The following TTC29 variants were observed in gnomAD, a reference collection of about 807,000 sequenced individuals.
TTC29 encodes tetratricopeptide repeat domain 29, also known as tetratricopeptide repeat protein 29.
In TTC29, 49 loss-of-function variants were observed where a neutral mutation model predicts 58.1. The observed-to-expected ratio is 0.84, with a 90% CI of 0.67 to 1.07. The LOEUF is 1.07. Among genes scored for constraint, TTC29 ranks in the 50% least tolerant of loss-of-function variants. TTC29 has a pLI of 0.00. For synonymous variants in TTC29, 209 were observed against 196.8 expected (o/e 1.06, Z -0.52); for missense variants, 582 against 555.6 (o/e 1.05, Z -0.48).
intron 11 of TTC29, among the ~76,000 whole-genome samples, chr4:146,726,338 C>T (rs547890264): frequency 6.2e-4 from 95 of 152,008 alleles, no homozygotes; most frequent in African/African-American, 2.2e-3. Context: ...CTGTAATCCC[C>T]GCTACTCAGA....
chr4:146,934,030 G>C (rs1735557186), intron 4 of TTC29: 1 of 152,286 alleles, frequency 6.6e-6, no homozygotes, highest in African/African-American at 2.4e-5. Context: ...TGGAGAGAAA[G>C]AGAGAAGGTC....
intron 11 of TTC29, among the ~76,000 whole-genome samples, chr4:146,744,548 G>A (rs987690220): frequency 7.9e-5 from 12 of 152,096 alleles, no homozygotes; most frequent in African/African-American, 2.4e-4. Context: ...TTTCCAAGCC[G>A]TCTTCTTCTA....
chr4:146,845,201 G>C (rs1365031492), intron 8 of TTC29, among the ~76,000 whole-genome samples: 1 of 152,128 alleles, frequency 6.6e-6, no homozygotes. Flanking sequence ...AAACAGAGAA[G>C]CACTGAGAGA....
intron 8 of TTC29, among the ~76,000 whole-genome samples, chr4:146,853,845 AAGTGACTTGCATTCTGTC>A (rs953456233): frequency 6.6e-6 from 1 of 152,130 alleles, no homozygotes; most frequent in Non-Finnish European, 1.5e-5. Flanking sequence ...CCTACAAGCT[AAGTGACTTGCATTCTGTC>A]AGTGACTTGC....
chr4:146,819,578 T>C (rs1199820660), intron 10 of TTC29, among the ~76,000 whole-genome samples: 5 of 152,156 alleles, frequency 3.3e-5, no homozygotes, highest in Non-Finnish European at 7.4e-5. Context: ...GCTTCTTGAA[T>C]TGGATAATTT....
At chr4:146,793,302 T>C (rs1312915131) in intron 11 of TTC29, among the ~76,000 whole-genome samples, 1 of 152,142 alleles carries the variant, frequency 6.6e-6, no homozygotes, top group East Asian at 1.9e-4. Flanking sequence ...TATTGTCCTA[T>C]TTTAAGAAAT....
intron 12 of TTC29, 43 bp from the exon 13 acceptor site, chr4:146,707,231 A>G: frequency 7.8e-7 from 1 of 1,274,432 alleles, no homozygotes; most frequent in South Asian, 1.5e-5. Flanking sequence ...ATACTGGGCT[A>G]GAAAGCAAAG....
At chr4:146,844,459 TC>T (rs1729039125) in intron 8 of TTC29, among the ~76,000 whole-genome samples, 1 of 152,214 alleles carries the variant, frequency 6.6e-6, no homozygotes, top group Non-Finnish European at 1.5e-5. Context: ...GGAATATTTA[TC>T]CTGTACAGTC....
At chr4:146,901,276 T>C (rs1027246872) in intron 6 of TTC29, among the ~76,000 whole-genome samples, 1 of 152,148 alleles carries the variant, frequency 6.6e-6, no homozygotes, top group African/African-American at 2.4e-5. Flanking sequence ...GTAAGCCATA[T>C]CTCCCCAGTG....
chr4:146,708,955 T>G (rs1331175860), intron 11 of TTC29, among the ~76,000 whole-genome samples: 2 of 152,064 alleles, frequency 1.3e-5, no homozygotes, highest in South Asian at 4.1e-4. Context: ...CTCTCCTCCT[T>G]GTTCTTTCAG....
intron 8 of TTC29, among the ~76,000 whole-genome samples, chr4:146,863,008 G>C (rs1730340251): frequency 6.6e-6 from 1 of 151,800 alleles, no homozygotes; most frequent in South Asian, 2.1e-4. Flanking sequence ...TGTAGTCCCA[G>C]CTACTCAGGA....
At chr4:146,915,749 T>A in intron 4 of TTC29, among the ~76,000 whole-genome samples, 1 of 152,010 alleles carries the variant, frequency 6.6e-6, no homozygotes, top group South Asian at 2.1e-4. Context: ...TATATTCAAT[T>A]ATATGACTGA....
At chr4:146,910,766 A>G (rs1429137994) in intron 4 of TTC29, among the ~76,000 whole-genome samples, 1 of 152,214 alleles carries the variant, frequency 6.6e-6, no homozygotes, top group Non-Finnish European at 1.5e-5. Context: ...AAGAGAATAA[A>G]GAGACCACAT....
intron 11 of TTC29, among the ~76,000 whole-genome samples, chr4:146,757,650 G>C (rs1052695229): frequency 6.6e-6 from 1 of 152,142 alleles, no homozygotes; most frequent in African/African-American, 2.4e-5. Context: ...AGAAGGGATT[G>C]GGGCACTATC....
chr4:146,773,799 A>G (rs1747894704), intron 11 of TTC29, among the ~76,000 whole-genome samples: 1 of 150,454 alleles, frequency 6.6e-6, no homozygotes, highest in African/African-American at 2.4e-5. Context: ...TTTTTTTTTT[A>G]ATACTTTCAG....
intron 11 of TTC29, among the ~76,000 whole-genome samples, chr4:146,742,453 T>C (rs1745224301): frequency 6.6e-6 from 1 of 152,202 alleles, no homozygotes. Context: ...TGAGATGGTA[T>C]AGCTAACAGT....
intron 9 of TTC29, among the ~76,000 whole-genome samples, chr4:146,829,551 A>C (rs753200193): frequency 6.6e-6 from 1 of 152,206 alleles, no homozygotes; most frequent in Non-Finnish European, 1.5e-5. Flanking sequence ...ATGAATTAAT[A>C]GATATGTTTT....
At chr4:146,917,784 G>T (rs1424283987) in intron 4 of TTC29, among the ~76,000 whole-genome samples, 4 of 147,162 alleles carry the variant, frequency 2.7e-5, no homozygotes, top group African/African-American at 9.8e-5. Context: ...TAACATTTTA[G>T]CTTCATTCCA....
At chr4:146,740,263 G>A (rs1745023502) in intron 11 of TTC29, among the ~76,000 whole-genome samples, 1 of 152,112 alleles carries the variant, frequency 6.6e-6, no homozygotes, top group Non-Finnish European at 1.5e-5. Flanking sequence ...CATTTCACCG[G>A]CTTAGGAGAA....
Sources: gnomAD v4.1 joint callset for allele counts (sites outside exome capture counted in the v4.1 genomes callset) on GRCh38, gnomAD v4.1.1 for gene constraint, MANE v1.5 for transcripts, NCBI Gene and HGNC (gene_info 2026-07-23, HGNC 2026-07-21) for gene names.